FBXL2: variants seen among roughly 807,000 people sequenced by gnomAD.
FBXL2 encodes the protein F-box and leucine rich repeat protein 2, also known as F-box/LRR-repeat protein 2.
A neutral mutation model predicts 69.2 loss-of-function variants in FBXL2; 38 were observed. The ratio of observed to expected loss-of-function variants is 0.55; its 90% CI spans 0.42 to 0.72. The LOEUF (loss-of-function observed/expected upper bound fraction) is 0.72, where lower values mean the gene tolerates loss of function less well. Among genes scored for constraint, FBXL2 ranks in the 30% least tolerant of loss-of-function variants. The probability of loss-of-function intolerance (pLI) is 0.00; values close to 1 mark genes in which losing one functional copy is unlikely to be tolerated. For missense variants in FBXL2, 354 were observed against 520.3 expected (o/e 0.68, Z 3.11); for synonymous variants, 192 against 201.3 (o/e 0.95, Z 0.39).
chr3:33,280,376 A>G (rs1249119536), intron 1 of FBXL2, among the ~76,000 whole-genome samples: 1 of 152,192 alleles, frequency 6.6e-6, no homozygotes, highest in East Asian at 1.9e-4. Flanking sequence ...AGATTTTCCT[A>G]ATTTTTAGAT....
At chr3:33,277,425 CG>C (rs1258862265), upstream of FBXL2, 3 of 1,232,786 alleles carry the variant, frequency 2.4e-6, no homozygotes, top group Non-Finnish European at 2.0e-6. Flanking sequence ...GGGGACGGGG[CG>C]GGGCGCCTGG....
intron 5 of FBXL2, chr3:33,372,695 G>A (rs546178857): frequency 1.8e-4 from 49 of 271,954 alleles, no homozygotes; most frequent in Middle Eastern, 1.3e-3. Flanking sequence ...TGACAGCATG[G>A]CACAGTACTA....
chr3:33,394,751 T>C (rs746689302), intron 12 of FBXL2, among the ~76,000 whole-genome samples: 8 of 150,086 alleles, frequency 5.3e-5, no homozygotes, highest in East Asian at 3.9e-4. Flanking sequence ...AGTAAGAATA[T>C]AGAAATGATC....
chr3:33,297,689 T>C lies in FBXL2; in HGVS notation c.29T>C (p.Leu10Pro). The change falls in exon 2 of 15, where the codon CTT becomes CCT. Residue 10 changes from leucine (L) to proline (P), a missense_variant. Transcript: ENST00000484457. MVFSNNDEG[L>P]INKKLPKELL... Reference sequence around the variant, plus strand: ...GTTTTCTCAAACAATGATGAAGGCCTTATTAACAAAAAGTTACCCAAAGAA... The same window carrying C: ...GTTTTCTCAAACAATGATGAAGGCCCTATTAACAAAAAGTTACCCAAAGAA... The C allele has an allele frequency of 6.3e-7, 1 of 1,580,702 alleles. No homozygotes were observed. The highest frequency in any genetic ancestry group is 8.6e-7 in the Non-Finnish European group (1 of 1,159,888).
intron 13 of FBXL2, chr3:33,382,724 A>G (rs959241194): frequency 2.0e-5 from 3 of 152,306 alleles, no homozygotes; most frequent in East Asian, 3.9e-4. Context: ...GAGACTTCCA[A>G]TTGCTCCACA....
the FBXL2 span, among the ~76,000 whole-genome samples, chr3:33,418,016 G>A: frequency 0.18 from 27,604 of 152,072 alleles, 3,185 homozygotes; most frequent in East Asian, 0.47. Context: ...ACACCTGTAT[G>A]GGAAGAGACA....
intron 2 of FBXL2, among the ~76,000 whole-genome samples, chr3:33,336,532 AT>A (rs2039591131): frequency 6.6e-6 from 1 of 152,254 alleles, no homozygotes; most frequent in Non-Finnish European, 1.5e-5. Flanking sequence ...GTAAGCAAAT[AT>A]TTCGTCAACA....
chr3:33,416,331 C>T, the FBXL2 span, among the ~76,000 whole-genome samples: 407 of 152,252 alleles, frequency 2.7e-3, 1 homozygote, highest in Non-Finnish European at 2.7e-3. Flanking sequence ...AACAGCTATG[C>T]CTCCTATACC....
chr3:33,372,900 T>A (rs2042383676), intron 5 of FBXL2, 192 bp from the exon 6 acceptor site: 1 of 623,202 alleles, frequency 1.6e-6, no homozygotes, highest in African/African-American at 1.8e-5. Flanking sequence ...TGGGAGTTTC[T>A]TTGAACTGCA....
At chr3:33,396,363 A>C in intron 12 of FBXL2, 1 of 1,031,532 alleles carries the variant, frequency 9.7e-7, no homozygotes, top group Non-Finnish European at 1.4e-6. Flanking sequence ...CAGGAATCTA[A>C]GTTCTATTTC....
chr3:33,292,960 G>A (rs2035385321), intron 1 of FBXL2, among the ~76,000 whole-genome samples: 1 of 152,202 alleles, frequency 6.6e-6, no homozygotes, highest in African/African-American at 2.4e-5. Flanking sequence ...AAGCACATAT[G>A]CACCAAACAA....
chr3:33,393,391 A>C, intron 12 of FBXL2: 1 of 1,613,718 alleles, frequency 6.2e-7, no homozygotes, highest in East Asian at 2.2e-5. Context: ...GATATTAAAC[A>C]CCAGCGCAAG....
At chr3:33,292,185 G>T (rs1349000018) in intron 1 of FBXL2, among the ~76,000 whole-genome samples, 1 of 152,130 alleles carries the variant, frequency 6.6e-6, no homozygotes, top group Non-Finnish European at 1.5e-5. Context: ...TTTGAGACCA[G>T]CCTGGCAAAC....
intron 13 of FBXL2, among the ~76,000 whole-genome samples, chr3:33,382,166 G>A (rs1365507847): frequency 6.6e-6 from 1 of 152,122 alleles, no homozygotes; most frequent in Admixed American, 6.5e-5. Context: ...ACATTTCCTT[G>A]CTTCATAGAC....
downstream of FBXL2, chr3:33,389,816 C>G (rs1416645614): frequency 1.3e-5 from 2 of 154,232 alleles, no homozygotes; most frequent in East Asian, 1.9e-4. Flanking sequence ...GGTGCCGAGC[C>G]TCTTACCTGA....
chr3:33,375,341 G>A lies in FBXL2; in HGVS notation c.711G>A (p.Gln237=), dbSNP rs1312959114. ...TATGCAGGGGCTGTCACCGGCTACA[G>A]GCTCTCTGCCTTTCGGGTTGCAGCA... ...VQICRGCHRL[Q]ALCLSGCSNL... Residue 237 remains glutamine, a synonymous_variant, in exon 10 of 15, where the codon CAG becomes CAA. Coordinates refer to ENST00000484457, the MANE Select transcript of FBXL2 (RefSeq NM_012157.5). 6.2e-7 allele frequency: 1 copy of A among 1,614,202 alleles called. No homozygotes were observed. The highest frequency in any genetic ancestry group is 8.5e-7 in the Non-Finnish European group (1 of 1,180,022).
At chr3:33,405,575 C>T (rs889085342), downstream of FBXL2, among the ~76,000 whole-genome samples, 18 of 152,190 alleles carry the variant, frequency 1.2e-4, no homozygotes, top group African/African-American at 4.3e-4. Flanking sequence ...CCTATAATCC[C>T]AGCACTTTCG....
chr3:33,377,437 A>G, intron 11 of FBXL2, 104 bp downstream of exon 11: 1 of 1,097,568 alleles, frequency 9.1e-7, no homozygotes. Context: ...TTCAGAAAAG[A>G]CAGGCACAAA....
At chr3:33,325,793 A>G (rs556118708) in intron 2 of FBXL2, among the ~76,000 whole-genome samples, 5 of 152,292 alleles carry the variant, frequency 3.3e-5, no homozygotes, top group Non-Finnish European at 5.9e-5. Flanking sequence ...CTAATGTTCA[A>G]TATTTATCAT....
Sources: gnomAD v4.1 joint callset for allele counts (sites outside exome capture counted in the v4.1 genomes callset) on GRCh38, gnomAD v4.1.1 for gene constraint, MANE v1.5 for transcripts, NCBI Gene and HGNC (gene_info 2026-07-23, HGNC 2026-07-21) for gene names.